The following NIPSNAP3A variants were observed in gnomAD, a reference collection of about 807,000 sequenced individuals.
NIPSNAP3A encodes the protein nipsnap homolog 3A, also known as protein NipSnap homolog 3A.
A neutral mutation model predicts 32.3 loss-of-function variants in NIPSNAP3A; 27 were observed. The observed-to-expected ratio is 0.84, with a 90% confidence interval of 0.62 to 1.15. NIPSNAP3A has a LOEUF of 1.15. Ranked by LOEUF, NIPSNAP3A falls within the 50% of genes most tolerant of loss-of-function variation. The probability of loss-of-function intolerance (pLI) is 0.00; values close to 1 mark genes in which losing one functional copy is unlikely to be tolerated. For missense variants in NIPSNAP3A, 278 were observed against 297.2 expected (o/e 0.94, Z 0.48); for synonymous variants, 108 against 107.3 (o/e 1.01, Z -0.04).
At chr9:104,756,976 GT>G (rs1827913929) in intron 4 of NIPSNAP3A, among the ~76,000 whole-genome samples, 2 of 151,790 alleles carry the variant, frequency 1.3e-5, no homozygotes, top group African/African-American at 4.8e-5. Context: ...GCTAATTTTT[GT>G]ATTTTTAGTA....
chr9:104,752,250 A>G (rs543419357), intron 2 of NIPSNAP3A, among the ~76,000 whole-genome samples: 96 of 152,290 alleles, frequency 6.3e-4, no homozygotes, highest in African/African-American at 2.3e-3. Flanking sequence ...CTGGGGAGAA[A>G]GAATGGATGA....
chr9:104,757,430 T>C (rs1564053190), intron 4 of NIPSNAP3A, among the ~76,000 whole-genome samples: 1 of 152,186 alleles, frequency 6.6e-6, no homozygotes, highest in Non-Finnish European at 1.5e-5. Context: ...ATCTATAAAA[T>C]GATAGATTAT....
chr9:104,758,429 GC>G (rs1564053406), intron 4 of NIPSNAP3A, among the ~76,000 whole-genome samples: 2 of 151,906 alleles, frequency 1.3e-5, no homozygotes, highest in East Asian at 3.9e-4. Context: ...TCATAATTTT[GC>G]TTTTTTAAAA....
chr9:104,752,853 C>T (rs1258545242), intron 2 of NIPSNAP3A, 53 bp from the exon 3 acceptor site: 5 of 1,460,284 alleles, frequency 3.4e-6, no homozygotes, highest in Non-Finnish European at 3.8e-6. Flanking sequence ...CAGAAAAGTA[C>T]AGGTGATTTA....
chr9:104,751,847 G>T (rs1359843456), intron 2 of NIPSNAP3A, among the ~76,000 whole-genome samples: 2 of 152,248 alleles, frequency 1.3e-5, no homozygotes, highest in Non-Finnish European at 2.9e-5. Context: ...CCTACGCCTG[G>T]TTTAGTAGAG....
Position 104,759,296 on chromosome 9 carries a change from G to A in NIPSNAP3A, c.702G>A (p.Gln234=), listed in dbSNP as rs1306774385. The part of the protein sequence containing the change: ...RESVNYLVSQ[Q]NMLLIPTSFS... ...GTGTCAACTACCTAGTATCTCAGCA[G>A]AATATGCTTCTGATTCCTACATCGT... The change falls in exon 6 of 6, where the codon CAG becomes CAA. Residue 234 remains glutamine (Q), a synonymous_variant. Coordinates refer to ENST00000374767, the MANE Select transcript of NIPSNAP3A (RefSeq NM_015469.3). The A allele has an allele frequency of 1.2e-6, 2 of 1,614,074 alleles. No homozygotes were observed. Among genetic ancestry groups the A allele is most frequent in the Admixed American group, 1.7e-5 (1 of 60,028 alleles).
intron 3 of NIPSNAP3A, chr9:104,753,784 T>C (rs1425459053): frequency 6.6e-6 from 1 of 152,384 alleles, no homozygotes; most frequent in Non-Finnish European, 1.5e-5. Context: ...CTTCCTTGGA[T>C]CTTTACCTAC....
intron 2 of NIPSNAP3A, among the ~76,000 whole-genome samples, chr9:104,752,213 G>A (rs1827854679): frequency 6.6e-6 from 1 of 152,104 alleles, no homozygotes; most frequent in Non-Finnish European, 1.5e-5. Context: ...AACTGTTTGG[G>A]TAACTTAAAT....
rs760569736 is a variant in NIPSNAP3A, at chr9:104,753,051, AC to A, written c.419del (p.Pro140LeufsTer14). On this transcript the variant is annotated frameshift_variant, in exon 3 of 6. Transcript: ENST00000374767. LOFTEE classifies it high-confidence loss of function. The stretch of plus-strand genomic sequence containing the variant: ...TGGTACCATGGTGCAAATTAGAAAA[AC>A]CTCCAAAAGAAGGTAAGTCCTTCCT... ...YLVPWCKLEKPPKEGVYELAT... is the reference protein window; with the variant it reads ...YLVPWCKLEKXPKEGVYELAT... The A allele has an allele frequency of 4.9e-5, 79 of 1,613,314 alleles. No homozygotes were observed. Among genetic ancestry groups the A allele is most frequent in the Non-Finnish European group, 6.7e-5 (79 of 1,179,486 alleles).
chr9:104,753,169 G>T, intron 3 of NIPSNAP3A, 105 bp downstream of exon 3: 1 of 921,894 alleles, frequency 1.1e-6, no homozygotes, highest in Non-Finnish European at 1.7e-6. Context: ...TTAATTCTTT[G>T]TTTTATATAG....
At chr9:104,757,970 A>T (rs947250963) in intron 4 of NIPSNAP3A, among the ~76,000 whole-genome samples, 1 of 152,052 alleles carries the variant, frequency 6.6e-6, no homozygotes, top group Non-Finnish European at 1.5e-5. Flanking sequence ...AATATAAAAG[A>T]GATACACCAA....
rs762824901 is a variant in NIPSNAP3A, at chr9:104,752,916, T to A, written c.282T>A (p.Ala94=). 2 of 1,612,624 alleles carry A rather than the reference T, an allele frequency of 1.2e-6. No homozygotes were observed. The highest frequency in any genetic ancestry group is 8.5e-7 in the Non-Finnish European group (1 of 1,178,752). The change falls in exon 3 of 6, where the codon GCT becomes GCA. Residue 94 remains alanine, a synonymous_variant. Transcript: ENST00000374767. ...VFHIWKYDNF[A]HRTEVRKALA... The stretch of plus-strand genomic sequence containing the variant: ...CTTTTCTTCCCACAGATAATTTTGC[T>A]CATCGAACTGAAGTTCGGAAAGCCT...
At position 104,750,963 on chromosome 9, in the gene NIPSNAP3A, C is replaced by T. The variant is rs1371020519; in HGVS notation, c.68C>T (p.Ser23Leu). The change falls in exon 2 of 6, where the codon TCA (serine) becomes TTA (leucine). Residue 23 changes from serine to leucine, a missense_variant. Coordinates refer to ENST00000374767, the MANE Select transcript of NIPSNAP3A (RefSeq NM_015469.3). ...TTGTCTTATCTTCTTCAGATGTGCTCATCTTTTGCTACGGGACCCAGACAA... is the reference window on the plus strand; with the variant it reads ...TTGTCTTATCTTCTTCAGATGTGCTTATCTTTTGCTACGGGACCCAGACAA... ...ASRTLAPQMCSSFATGPRQYD... is the reference protein window; with the variant it reads ...ASRTLAPQMCLSFATGPRQYD... The T allele has an allele frequency of 6.2e-7, 1 of 1,611,124 alleles. No individual in the cohort carries two copies. Among genetic ancestry groups the T allele is most frequent in the Admixed American group, 1.7e-5 (1 of 60,014 alleles).
chr9:104,751,268 A>G, intron 2 of NIPSNAP3A, 102 bp downstream of exon 2: 1 of 1,011,660 alleles, frequency 9.9e-7, no homozygotes, highest in South Asian at 1.3e-5. Context: ...TTGGATGTAT[A>G]TTATTTTAGA....
chr9:104,758,622 T>A (rs187722469), intron 4 of NIPSNAP3A, among the ~76,000 whole-genome samples: 1 of 152,216 alleles, frequency 6.6e-6, no homozygotes, highest in East Asian at 1.9e-4. Flanking sequence ...ATCAGTAACA[T>A]ATTTAGTTTT....
chr9:104,758,834 G>A (rs1036286993), intron 4 of NIPSNAP3A, among the ~76,000 whole-genome samples: 1 of 151,488 alleles, frequency 6.6e-6, no homozygotes, highest in Non-Finnish European at 1.5e-5. Flanking sequence ...GCCGGACGTG[G>A]TGGTGGGCGC....
At chr9:104,757,776 G>A (rs1318525986) in intron 4 of NIPSNAP3A, among the ~76,000 whole-genome samples, 1 of 152,024 alleles carries the variant, frequency 6.6e-6, no homozygotes, top group Non-Finnish European at 1.5e-5. Context: ...TACAGGCCAG[G>A]CGTGGTGGTT....
chr9:104,750,093 A>G (rs1050420155), intron 1 of NIPSNAP3A, among the ~76,000 whole-genome samples: 5 of 152,230 alleles, frequency 3.3e-5, no homozygotes, highest in Admixed American at 6.5e-5. Context: ...TCAAGAACCT[A>G]AAAGAGTTTT....
rs1254884226 is a variant in NIPSNAP3A at position 104,750,958 on chromosome 9, GT to G, written c.64del (p.Cys22AlafsTer28). On this transcript the variant is annotated frameshift_variant, in exon 2 of 6. Coordinates refer to ENST00000374767, the MANE Select transcript of NIPSNAP3A (RefSeq NM_015469.3). LOFTEE classifies it high-confidence loss of function. ...TACATTTGTCTTATCTTCTTCAGAT[GT>G]GCTCATCTTTTGCTACGGGACCCAG... ...LASRTLAPQM[C>X]SSFATGPRQY... is the part of the protein sequence containing the mutation. The G allele has an allele frequency of 6.2e-7, 1 of 1,608,792 alleles. No homozygotes were observed. Among genetic ancestry groups the G allele is most frequent in the East Asian group, 2.2e-5 (1 of 44,826 alleles).
Sources: gnomAD v4.1 joint callset for allele counts (sites outside exome capture counted in the v4.1 genomes callset) on GRCh38, gnomAD v4.1.1 for gene constraint, MANE v1.5 for transcripts, NCBI Gene and HGNC (gene_info 2026-07-23, HGNC 2026-07-21) for gene names.